PADI3: variants seen among roughly 807,000 people sequenced by gnomAD.
PADI3 encodes the protein peptidyl arginine deiminase 3, also known as protein-arginine deiminase type-3.
Under a neutral mutation model 71.5 loss-of-function variants are expected in PADI3, and 53 were observed. The observed-to-expected ratio is 0.74, with a 90% confidence interval of 0.59 to 0.93. PADI3 has a LOEUF of 0.93. Among genes scored for constraint, PADI3 ranks in the 40% least tolerant of loss-of-function variants. The pLI is 0.00. For missense variants in PADI3, 821 were observed against 868.0 expected (o/e 0.95, Z 0.68); for synonymous variants, 361 against 347.5 (o/e 1.04, Z -0.43).
In PADI3 at chr1:17,276,507, C is replaced by G; in HGVS notation, c.1308-12C>G. On this transcript the variant is annotated splice_polypyrimidine_tract_variant and intron_variant, in intron 11 of 15. Coordinates refer to ENST00000375460, the MANE Select transcript of PADI3 (RefSeq NM_016233.2). The stretch of plus-strand genomic sequence containing the variant: ...AGTTAAGCAACTTTTTTTTTAACCT[C>G]GTGGGTCCCAGGTCAAGTGGCCGCA... The G allele has an allele frequency of 6.2e-7, 1 of 1,612,890 alleles. No individual in the cohort carries two copies. Among genetic ancestry groups the G allele is most frequent in the Non-Finnish European group, 8.5e-7 (1 of 1,179,732 alleles).
chr1:17,279,033 A>G (rs2073368608), intron 13 of PADI3, among the ~76,000 whole-genome samples: 1 of 152,166 alleles, frequency 6.6e-6, no homozygotes, highest in East Asian at 1.9e-4. Context: ...AATCCAAATT[A>G]TGTACCAGGC....
chr1:17,280,905 G>C, intron 15 of PADI3, 109 bp downstream of exon 15: 1 of 1,372,492 alleles, frequency 7.3e-7, no homozygotes, highest in Admixed American at 1.9e-5. Context: ...GTGGCCAGTG[G>C]GGGTGGCAGG....
chr1:17,264,341 C>CACACACAA (rs2073138358), intron 3 of PADI3, among the ~76,000 whole-genome samples: 1 of 146,482 alleles, frequency 6.8e-6, no homozygotes, highest in Non-Finnish European at 1.5e-5. Flanking sequence ...TACACACACA[C>CACACACAA]ACACACACAC....
intron 11 of PADI3, among the ~76,000 whole-genome samples, chr1:17,276,089 C>A (rs1185230123): frequency 6.6e-6 from 1 of 152,154 alleles, no homozygotes; most frequent in Non-Finnish European, 1.5e-5. Flanking sequence ...AATCCCAGCA[C>A]TTTGTGAGGC....
intron 1 of PADI3, among the ~76,000 whole-genome samples, chr1:17,252,896 C>T (rs11203343): frequency 0.078 from 11,838 of 152,134 alleles, 648 homozygotes; most frequent in African/African-American, 0.15. Context: ...GAGGGGCCCG[C>T]GAAGCTGGTC....
Position 17,283,186 on chromosome 1 carries a change from AGAT to A in PADI3, c.*109_*111del. On this transcript the variant is annotated 3_prime_UTR_variant, in exon 16 of 16. Transcript: ENST00000375460. ...AAGCACCAAGAGACCCCAAGGCTCC[AGAT>A]GGAACACTGAGGGTGACCGTCCCTC... 1.2e-6 allele frequency: 1 copy of A among 827,036 alleles called. No individual in the cohort carries two copies. The highest frequency in any genetic ancestry group is 2.0e-6 in the Non-Finnish European group (1 of 512,052). The allele number at this position is 827,036 out of a possible 1,614,324, so 51.2% of individuals were successfully genotyped here.
In PADI3 at chr1:17,249,137, C is replaced by G; in HGVS notation, c.-1C>G. 6.2e-7 allele frequency: 1 copy of G among 1,614,002 alleles called. No homozygotes were observed. Among genetic ancestry groups the G allele is most frequent in the Non-Finnish European group, 8.5e-7 (1 of 1,179,856 alleles). Reference sequence around the variant, plus strand: ...CGGCCACAGCTAAGTCCAACACCAGCATGTCGCTGCAGAGAATCGTGCGTG... The same window carrying G: ...CGGCCACAGCTAAGTCCAACACCAGGATGTCGCTGCAGAGAATCGTGCGTG... On this transcript the variant is annotated 5_prime_UTR_variant, in exon 1 of 16. Transcript: ENST00000375460.
rs1328637301 is a variant in PADI3 at position 17,284,222 on chromosome 1, CA to C, written c.*1144del. ...TTTCCATCACTCGCTAATAAATCAACAGAAACACAAATGGCTTGGCTCTCAT... is the reference window on the plus strand; with the variant it reads ...TTTCCATCACTCGCTAATAAATCAACGAAACACAAATGGCTTGGCTCTCAT... On this transcript the variant is annotated 3_prime_UTR_variant, in exon 16 of 16. Coordinates refer to ENST00000375460, the MANE Select transcript of PADI3 (RefSeq NM_016233.2). The C allele has an allele frequency of 1.3e-5, 2 of 152,138 alleles. No homozygotes were observed. The highest frequency in any genetic ancestry group is 4.8e-5 in the African/African-American group (2 of 41,426). 9.4% of individuals were successfully genotyped at this position (152,138 alleles called of 1,614,324 possible).
At chr1:17,278,168 A>T (rs1437435691) in intron 13 of PADI3, among the ~76,000 whole-genome samples, 1 of 152,246 alleles carries the variant, frequency 6.6e-6, no homozygotes, top group Non-Finnish European at 1.5e-5. Flanking sequence ...GGACAAAGAA[A>T]CAACTTTATA....
At chr1:17,266,503 TC>T (rs368637209) in intron 4 of PADI3, among the ~76,000 whole-genome samples, 495 of 152,320 alleles carry the variant, frequency 3.2e-3, no homozygotes, top group African/African-American at 0.012. Flanking sequence ...TGAAGGCCCA[TC>T]ACAGATAGCC....
chr1:17,253,299 A>T (rs2072988238), intron 1 of PADI3, among the ~76,000 whole-genome samples: 1 of 152,120 alleles, frequency 6.6e-6, no homozygotes, highest in South Asian at 2.1e-4. Flanking sequence ...GTCAGGTCCC[A>T]TCTGCATGGC....
At chr1:17,280,573 T>C (rs2272630) in intron 14 of PADI3, 98 bp from the exon 15 acceptor site, 600,634 of 1,574,932 alleles carry the variant, frequency 0.38, 117,015 homozygotes, top group African/African-American at 0.56. Flanking sequence ...CAACACCCTC[T>C]TTTGACCCAG....
rs2073076142 is a variant in PADI3, at chr1:17,259,638, C to T, written c.153C>T (p.Tyr51=). The change falls in exon 2 of 16, where the codon TAC becomes TAT. Residue 51 remains tyrosine, a synonymous_variant. Coordinates refer to ENST00000375460, the MANE Select transcript of PADI3 (RefSeq NM_016233.2). Reference sequence around the variant, plus strand: ...ATGGGACGCCTGGCGTGGACATCTACATCTCTCCCAACATGGAGAGGGGCC... The same window carrying T: ...ATGGGACGCCTGGCGTGGACATCTATATCTCTCCCAACATGGAGAGGGGCC... ...EVYGTPGVDI[Y]ISPNMERGRE... 6.2e-7 allele frequency: 1 copy of T among 1,613,790 alleles called. No homozygotes were observed. Among genetic ancestry groups the T allele is most frequent in the Non-Finnish European group, 8.5e-7 (1 of 1,179,762 alleles).
chr1:17,271,745 G>T (rs1262681305), intron 9 of PADI3, among the ~76,000 whole-genome samples: 1 of 151,188 alleles, frequency 6.6e-6, no homozygotes, highest in Non-Finnish European at 1.5e-5. Context: ...CTACTCTGGA[G>T]GCTGAGGTCA....
chr1:17,265,275 T>A (rs1017225500), intron 3 of PADI3, among the ~76,000 whole-genome samples: 2 of 152,080 alleles, frequency 1.3e-5, no homozygotes, highest in African/African-American at 2.4e-5. Context: ...TGGGTTTGTG[T>A]TCACATCTGT....
intron 15 of PADI3, among the ~76,000 whole-genome samples, chr1:17,281,450 C>CTTTTTTTTTT (rs71014927): frequency 7.0e-6 from 1 of 141,994 alleles, no homozygotes; most frequent in Non-Finnish European, 1.5e-5. Flanking sequence ...TTCTTTTTTT[C>CTTTTTTTTTT]TTTTTTTTTT....
intron 2 of PADI3, among the ~76,000 whole-genome samples, chr1:17,260,428 G>A (rs919934791): frequency 6.6e-6 from 1 of 152,116 alleles, no homozygotes; most frequent in Non-Finnish European, 1.5e-5. Context: ...TGTCAGGAGC[G>A]ATGTTTCAGA....
chr1:17,269,465 G>A (rs1210602186), intron 6 of PADI3, among the ~76,000 whole-genome samples: 1 of 152,130 alleles, frequency 6.6e-6, no homozygotes, highest in African/African-American at 2.4e-5. Context: ...TGAGGTCAGG[G>A]GCTTTGTTCA....
At chr1:17,282,635 C>T (rs1160322804) in intron 15 of PADI3, among the ~76,000 whole-genome samples, 4 of 152,242 alleles carry the variant, frequency 2.6e-5, no homozygotes, top group African/African-American at 7.2e-5. Flanking sequence ...TTCCAGAGCA[C>T]GTTGCCAGAG....
Sources: allele counts gnomAD v4.1 joint callset (sites outside exome capture counted in the v4.1 genomes callset), GRCh38; gene constraint gnomAD v4.1.1; transcripts MANE v1.5; gene names NCBI Gene and HGNC (gene_info 2026-07-23, HGNC 2026-07-21).